Variants in MAST2 observed in about 807,000 individuals in gnomAD.
MAST2 encodes microtubule associated serine/threonine kinase 2.
In MAST2, 70 loss-of-function variants were observed where a neutral mutation model predicts 147.4. The ratio of observed to expected loss-of-function variants is 0.47; its 90% confidence interval spans 0.39 to 0.58. The LOEUF (loss-of-function observed/expected upper bound fraction) is 0.58. MAST2 is among the 20% of genes least tolerant of loss of function. The pLI is 0.00. For synonymous variants in MAST2, 869 were observed against 896.8 expected (o/e 0.97, Z 0.55); for missense variants, 2,080 against 2,302.3 (o/e 0.90, Z 1.98).
chr1:45,809,647 A>G (rs535763903), intron 1 of MAST2, among the ~76,000 whole-genome samples: 22 of 152,044 alleles, frequency 1.4e-4, no homozygotes, highest in African/African-American at 5.1e-4. Flanking sequence ...GAAAGCAAAA[A>G]ACAAACAAAC....
chr1:46,029,292 A>G, intron 18 of MAST2, 174 bp from the exon 19 acceptor site: 1 of 577,526 alleles, frequency 1.7e-6, no homozygotes, highest in Non-Finnish European at 3.1e-6. Flanking sequence ...TCAAAGATCA[A>G]GCTATGGTCT....
Position 46,023,849 on chromosome 1 carries a change from T to C in MAST2, c.1649T>C (p.Leu550Pro). ...AAGATCAACAAGCAGAACCTGATCC[T>C]ACGGAACCAGATCCAGCAGGCCTTC... Reference protein sequence around the residue: ...MKKINKQNLILRNQIQQAFVE... With the variant: ...MKKINKQNLIPRNQIQQAFVE... Residue 550 changes from leucine to proline, a missense_variant, in exon 15 of 29, where the codon CTA (leucine) becomes CCA (proline). By Grantham distance (98) the Leu-to-Pro change is moderately conservative. Transcript: ENST00000361297. The surrounding 1 kb of genome is among the most constrained non-coding windows in gnomAD (Gnocchi z 4.9). The C allele has an allele frequency of 6.2e-7, 1 of 1,614,160 alleles. No individual in the cohort carries two copies. The highest frequency in any genetic ancestry group is 8.5e-7 in the Non-Finnish European group (1 of 1,180,028).
intron 3 of MAST2, among the ~76,000 whole-genome samples, chr1:45,852,481 C>T (rs1271644779): frequency 6.6e-6 from 1 of 152,000 alleles, no homozygotes; most frequent in Non-Finnish European, 1.5e-5. Flanking sequence ...CCTGCCTCAG[C>T]CTTCCGAGTA....
intron 2 of MAST2, among the ~76,000 whole-genome samples, chr1:45,828,727 C>T (rs913658800): frequency 1.3e-5 from 2 of 152,054 alleles, no homozygotes; most frequent in African/African-American, 4.8e-5. Context: ...GTTGGAGACC[C>T]GCCTGGCTAA....
chr1:45,905,540 A>G (rs961549027), intron 4 of MAST2, among the ~76,000 whole-genome samples: 3 of 152,086 alleles, frequency 2.0e-5, no homozygotes, highest in African/African-American at 7.2e-5. Flanking sequence ...GCACTTTTGG[A>G]GGCCAAGGCG....
intron 5 of MAST2, among the ~76,000 whole-genome samples, chr1:45,977,003 G>C (rs1214022688): frequency 6.6e-6 from 1 of 152,180 alleles, no homozygotes; most frequent in Non-Finnish European, 1.5e-5. Context: ...TTGGATGTTT[G>C]TATAGAGAAA....
chr1:45,863,386 A>G (rs945899165), intron 3 of MAST2, among the ~76,000 whole-genome samples: 4 of 152,196 alleles, frequency 2.6e-5, no homozygotes, highest in Admixed American at 6.5e-5. Flanking sequence ...CCCCATAGAC[A>G]TAATCCAGCC....
intron 2 of MAST2, among the ~76,000 whole-genome samples, chr1:45,825,088 T>A (rs1429605010): frequency 6.6e-6 from 1 of 152,060 alleles, no homozygotes; most frequent in Non-Finnish European, 1.5e-5. Context: ...TGCAGTGGTG[T>A]GATCTCGGCT....
At chr1:45,812,380 A>G (rs191835494) in intron 1 of MAST2, among the ~76,000 whole-genome samples, 2 of 150,594 alleles carry the variant, frequency 1.3e-5, no homozygotes, top group African/African-American at 2.4e-5. Flanking sequence ...GAGTTTTCCC[A>G]TCATTGTTCT....
At chr1:45,812,441 T>A (rs1644331724) in intron 1 of MAST2, among the ~76,000 whole-genome samples, 1 of 151,074 alleles carries the variant, frequency 6.6e-6, no homozygotes, top group Admixed American at 6.6e-5. Flanking sequence ...TTTTTTTTTT[T>A]TTTTTAGACG....
intron 3 of MAST2, among the ~76,000 whole-genome samples, chr1:45,839,207 C>T (rs182493487): frequency 1.3e-3 from 198 of 150,670 alleles, no homozygotes; most frequent in Middle Eastern, 6.9e-3. Flanking sequence ...CAGCTCACTG[C>T]GACCTCCGCC....
At chr1:45,923,581 T>G (rs572185009) in intron 4 of MAST2, among the ~76,000 whole-genome samples, 2 of 152,228 alleles carry the variant, frequency 1.3e-5, no homozygotes, top group Admixed American at 6.5e-5. Flanking sequence ...AATAAATTGC[T>G]CAGGATAACA....
At chr1:45,916,055 G>A (rs1471228475) in intron 4 of MAST2, among the ~76,000 whole-genome samples, 3 of 152,140 alleles carry the variant, frequency 2.0e-5, no homozygotes, top group Non-Finnish European at 4.4e-5. Context: ...TTAAATAGTT[G>A]TGTGCCCTCC....
At chr1:45,875,848 A>G (rs1048262302) in intron 3 of MAST2, among the ~76,000 whole-genome samples, 7 of 152,124 alleles carry the variant, frequency 4.6e-5, no homozygotes, top group Admixed American at 6.5e-5. Context: ...TTGTATGTAC[A>G]ACTATAGAGG....
At chr1:45,992,682 A>ATT (rs1644897700) in intron 5 of MAST2, among the ~76,000 whole-genome samples, 5 of 152,044 alleles carry the variant, frequency 3.3e-5, no homozygotes, top group Admixed American at 3.3e-4. Flanking sequence ...TTTGGAGATG[A>ATT]TTAGCTATTG....
intron 4 of MAST2, among the ~76,000 whole-genome samples, chr1:45,930,629 C>T (rs1372911342): frequency 2.0e-5 from 3 of 151,990 alleles, no homozygotes; most frequent in Non-Finnish European, 4.4e-5. Flanking sequence ...CTTATTCACC[C>T]CTATTCAGTC....
At chr1:46,017,802 G>A (rs1164947013) in intron 10 of MAST2, among the ~76,000 whole-genome samples, 1 of 152,152 alleles carries the variant, frequency 6.6e-6, no homozygotes, top group Non-Finnish European at 1.5e-5. Context: ...ATTTGACCCA[G>A]CCATCCCATT....
At chr1:45,981,265 T>C (rs1644396959) in intron 5 of MAST2, among the ~76,000 whole-genome samples, 1 of 152,080 alleles carries the variant, frequency 6.6e-6, no homozygotes, top group Admixed American at 6.5e-5. Flanking sequence ...AGAGATGGGA[T>C]TTCACCATGT....
At chr1:45,929,101 T>G (rs934275879) in intron 4 of MAST2, among the ~76,000 whole-genome samples, 3 of 152,150 alleles carry the variant, frequency 2.0e-5, no homozygotes, top group African/African-American at 4.8e-5. Context: ...TTGTTAGTAG[T>G]GGCCATTGAT....
Sources: gnomAD v4.1 joint callset for allele counts (sites outside exome capture counted in the v4.1 genomes callset) on GRCh38, gnomAD v4.1.1 for gene constraint, Gnocchi (gnomAD v3.1) non-coding constraint, MANE v1.5 for transcripts, NCBI Gene and HGNC (gene_info 2026-07-23, HGNC 2026-07-21) for gene names.